The following TAF1B variants were observed in gnomAD, a reference collection of about 807,000 sequenced individuals.
TAF1B encodes the protein TATA box-binding protein-associated factor RNA polymerase I subunit B.
Under a neutral mutation model 83.9 loss-of-function variants are expected in TAF1B, and 61 were observed. The observed-to-expected ratio is 0.73, with a 90% CI of 0.59 to 0.90. The LOEUF (loss-of-function observed/expected upper bound fraction) is 0.90, where lower values mean the gene tolerates loss of function less well. TAF1B is among the 40% of genes least tolerant of loss of function. TAF1B has a pLI of 0.00. For synonymous variants in TAF1B, 221 were observed against 224.6 expected (o/e 0.98, Z 0.14); for missense variants, 625 against 677.0 (o/e 0.92, Z 0.85).
At chr2:9,921,384 G>A (rs547820741) in intron 14 of TAF1B, among the ~76,000 whole-genome samples, 37 of 152,266 alleles carry the variant, frequency 2.4e-4, no homozygotes, top group African/African-American at 5.3e-4. Context: ...GAGCCACTGC[G>A]CCCAGCCATC....
At chr2:9,852,115 G>C in intron 4 of TAF1B, 2 of 441,010 alleles carry the variant, frequency 4.5e-6, no homozygotes, top group Non-Finnish European at 9.4e-6. Flanking sequence ...GAATCACCTG[G>C]AGTGCTTGAA....
chr2:9,846,271 G>A (rs1663204786), intron 2 of TAF1B: 3 of 366,992 alleles, frequency 8.2e-6, no homozygotes, highest in Non-Finnish European at 1.6e-5. Context: ...GTGTAACCTT[G>A]GTAAACGAGG....
At chr2:9,924,933 C>T (rs956741707) in intron 14 of TAF1B, among the ~76,000 whole-genome samples, 1 of 152,130 alleles carries the variant, frequency 6.6e-6, no homozygotes, top group Non-Finnish European at 1.5e-5. Context: ...AATGCCCTTA[C>T]TATTCCTCCA....
intron 9 of TAF1B, among the ~76,000 whole-genome samples, chr2:9,909,039 A>G (rs1377987735): frequency 2.0e-5 from 3 of 152,218 alleles, no homozygotes; most frequent in African/African-American, 7.2e-5. Flanking sequence ...CTTTGATGCG[A>G]TATTTTGAAT....
At chr2:9,880,210 T>A (rs1190287321) in intron 7 of TAF1B, among the ~76,000 whole-genome samples, 1 of 152,126 alleles carries the variant, frequency 6.6e-6, no homozygotes, top group East Asian at 1.9e-4. Flanking sequence ...TTTACTAAAT[T>A]TCTAACCCAT....
chr2:9,883,557 C>G (rs1664575658), intron 8 of TAF1B, among the ~76,000 whole-genome samples: 1 of 152,250 alleles, frequency 6.6e-6, no homozygotes, highest in African/African-American at 2.4e-5. Context: ...TATCCCTTTC[C>G]AGCCTGTCAG....
At chr2:9,925,266 C>T (rs1221906120) in intron 14 of TAF1B, among the ~76,000 whole-genome samples, 2 of 151,832 alleles carry the variant, frequency 1.3e-5, no homozygotes, top group African/African-American at 2.4e-5. Flanking sequence ...ATGGTGAAAC[C>T]CCATCTCTAC....
chr2:9,895,165 T>G (rs1165123275), intron 8 of TAF1B, among the ~76,000 whole-genome samples: 1 of 152,226 alleles, frequency 6.6e-6, no homozygotes, highest in Non-Finnish European at 1.5e-5. Flanking sequence ...AAGCAATGTG[T>G]TCACCACAAA....
rs1387487653 is a variant in TAF1B at position 9,845,173 on chromosome 2, T to G, written c.19-47T>G. The stretch of plus-strand genomic sequence containing the variant: ...ACTGCAAGGTTTAGGTACGATGTAT[T>G]GAATGTGGCTTGATGGGAACACCTT... On this transcript the variant is annotated intron_variant, in intron 1 of 14. Coordinates refer to ENST00000263663, the MANE Select transcript of TAF1B (RefSeq NM_005680.3). The G allele has an allele frequency of 4.1e-6, 6 of 1,450,426 alleles. No homozygotes were observed. The African/African-American group carries it at 7.0e-5, about 17-fold the overall frequency. The allele number at this position is 1,450,426 out of a possible 1,614,324, so 89.8% of individuals were successfully genotyped here.
At chr2:9,872,093 C>T (rs1273388802) in intron 6 of TAF1B, among the ~76,000 whole-genome samples, 1 of 151,478 alleles carries the variant, frequency 6.6e-6, no homozygotes, top group Non-Finnish European at 1.5e-5. Flanking sequence ...TTTGGGAGGC[C>T]GACGCAGGCG....
Position 9,861,565 on chromosome 2 carries a change from A to G in TAF1B, c.400-6711A>G, listed in dbSNP as rs933732013. The stretch of plus-strand genomic sequence containing the variant: ...AGGCAGCAGTAACCTCTGCAGACTT[A>G]AATGTCCCTGTCTGACAGCTTTGAA... On this transcript the variant is annotated intron_variant, in intron 5 of 14. Transcript: ENST00000263663. Among the ~76,000 whole-genome samples the G allele has an allele frequency of 3.3e-5, 5 of 152,250 alleles. No homozygotes were observed. The East Asian group carries it at 9.6e-4, about 29-fold the overall frequency.
chr2:9,905,645 A>C (rs1665317563), intron 9 of TAF1B, among the ~76,000 whole-genome samples: 1 of 152,206 alleles, frequency 6.6e-6, no homozygotes, highest in African/African-American at 2.4e-5. Flanking sequence ...AAATGTGAGA[A>C]ATTTTGGACT....
rs536687064 is a variant in TAF1B at position 9,845,567 on chromosome 2, G to C, written c.117+249G>C. 2.2e-3 allele frequency: 798 copies of C among 366,666 alleles called. 8 individuals carry two copies. The highest frequency in any genetic ancestry group is 8.5e-3 in the South Asian group (294 of 34,702). 22.7% of individuals were successfully genotyped at this position (366,666 alleles called of 1,614,324 possible). A position where few individuals can be genotyped will look rare whatever the true frequency, so the allele number is the denominator to read the frequency against. On this transcript the variant is annotated intron_variant, in intron 2 of 14. Transcript: ENST00000263663. ...GATTTCTTATTCAGAGTATGTGGTTGAGGGAAATAATTAAAATTGTACTTA... is the reference window on the plus strand; with the variant it reads ...GATTTCTTATTCAGAGTATGTGGTTCAGGGAAATAATTAAAATTGTACTTA...
At chr2:9,898,154 A>T (rs1218929680) in intron 8 of TAF1B, among the ~76,000 whole-genome samples, 1 of 152,212 alleles carries the variant, frequency 6.6e-6, no homozygotes, top group Admixed American at 6.5e-5. Flanking sequence ...TTTTCTGGGG[A>T]TCCATAGCAA....
At chr2:9,889,921 A>G (rs1288917869) in intron 8 of TAF1B, among the ~76,000 whole-genome samples, 1 of 152,124 alleles carries the variant, frequency 6.6e-6, no homozygotes, top group Non-Finnish European at 1.5e-5. Flanking sequence ...TGTTTGCTCT[A>G]CTGCTTTCCT....
At chr2:9,872,674 A>G (rs1433908587) in intron 6 of TAF1B, among the ~76,000 whole-genome samples, 1 of 152,220 alleles carries the variant, frequency 6.6e-6, no homozygotes, top group African/African-American at 2.4e-5. Flanking sequence ...AGCAGAGGCT[A>G]ACGTGTTTTC....
chr2:9,851,462 AAC>A, intron 3 of TAF1B, 77 bp from the exon 4 acceptor site: 5 of 1,170,176 alleles, frequency 4.3e-6, no homozygotes, highest in African/African-American at 1.6e-5. Flanking sequence ...CAATGTGTAA[AAC>A]ACAAATTGTA....
At chr2:9,891,772 T>C (rs974724736) in intron 8 of TAF1B, among the ~76,000 whole-genome samples, 4 of 152,104 alleles carry the variant, frequency 2.6e-5, no homozygotes, top group African/African-American at 9.7e-5. Flanking sequence ...AAAATAAAAA[T>C]TTTAAAAATA....
chr2:9,871,846 A>G (rs1199102989), intron 6 of TAF1B, among the ~76,000 whole-genome samples: 1 of 152,058 alleles, frequency 6.6e-6, no homozygotes, highest in African/African-American at 2.4e-5. Flanking sequence ...AGAAGACCGG[A>G]GGGGAATGGG....
Sources: gnomAD v4.1 joint callset for allele counts (sites outside exome capture counted in the v4.1 genomes callset) on GRCh38, gnomAD v4.1.1 for gene constraint, MANE v1.5 for transcripts, NCBI Gene and HGNC (gene_info 2026-07-23, HGNC 2026-07-21) for gene names.